Variants in ATXN3 observed in about 807,000 individuals in gnomAD.
The protein encoded by ATXN3 is ataxin 3, also known as ataxin-3.
Under a neutral mutation model 58.2 loss-of-function variants are expected in ATXN3, and 28 were observed. That is an observed-to-expected ratio of 0.48 (90% confidence interval 0.36 to 0.66). ATXN3 has a LOEUF of 0.66. Ranked by LOEUF, ATXN3 falls within the 30% of genes least tolerant of loss-of-function variation. The pLI is 0.00. For synonymous variants in ATXN3, 113 were observed against 138.5 expected, an observed-to-expected ratio of 0.82 and a Z score of 1.29; for missense variants, 321 against 422.1, an observed-to-expected ratio of 0.76 and a Z score of 2.10.
chr14:92,046,630 A>G (rs530716858), intron 2 of ATXN3, among the ~76,000 whole-genome samples: 34 of 152,076 alleles, frequency 2.2e-4, no homozygotes, highest in African/African-American at 8.2e-4. Flanking sequence ...AGGAATGGAA[A>G]GGGGAGTGGG....
In ATXN3 at chr14:92,070,764, TTG is replaced by T; in HGVS notation, c.991+169_991+170del. The T allele has an allele frequency of 1.8e-5, 24 of 1,347,280 alleles. 4 individuals carry two copies. The highest frequency in any genetic ancestry group is 1.1e-4 in the East Asian group (4 of 37,072). 83.5% of individuals were successfully genotyped at this position (1,347,280 alleles called of 1,614,324 possible). On this transcript the variant is annotated intron_variant, in intron 10 of 10. Transcript: ENST00000644486. ...TCTAGCTTTTTTTTTTTTTTTTCTT[TTG>T]GTAACTGCTCCTTAATCCAGGGAAA...
In ATXN3 at chr14:92,090,199, C is replaced by G. The variant is rs2063478218; in HGVS notation, c.388-1382G>C. Among the ~76,000 whole-genome samples, 4 of 152,136 alleles carry G rather than the reference C, an allele frequency of 2.6e-5. No homozygotes were observed. The South Asian group carries it at 8.3e-4, about 32-fold the overall frequency. On this transcript the variant is annotated intron_variant, in intron 5 of 10. Coordinates refer to ENST00000644486, the MANE Select transcript of ATXN3 (RefSeq NM_004993.6). Reference sequence around the variant, plus strand: ...CTCACTGCAGCCTCGAACACCTGGGCTTAAGTGATTCTCTCGCTTCATCCT... The same window carrying G: ...CTCACTGCAGCCTCGAACACCTGGGGTTAAGTGATTCTCTCGCTTCATCCT...
rs949436905 is a variant in ATXN3 at position 92,060,473 on chromosome 14, G to A, written c.*3847C>T. On this transcript the variant is annotated 3_prime_UTR_variant, in exon 11 of 11. Transcript: ENST00000644486. ...GAGGTTTCACCATGTTGCCCAGACT[G>A]GTCTTGAACTCCTGGCCTGAAGTGA... 7.3e-5 allele frequency: 11 copies of A among 151,260 alleles called. No homozygotes were observed. Among genetic ancestry groups the A allele is most frequent in the African/African-American group, 2.7e-4 (11 of 41,226 alleles). The allele number at this position is 151,260 out of a possible 1,614,324, so 9.4% of individuals were successfully genotyped here.
rs74071849 is a variant in ATXN3 at position 92,071,111 on chromosome 14, C to A, written c.873-58G>T. ...AACAAAACTTAAAAGAATAAATACA[C>A]CATGAGAAAAACTATTCATAAGGAA... On this transcript the variant is annotated intron_variant, in intron 9 of 10. Coordinates refer to ENST00000644486, the MANE Select transcript of ATXN3 (RefSeq NM_004993.6). 1.2e-3 allele frequency: 1,794 copies of A among 1,528,530 alleles called. 23 individuals are homozygous for A. The African/African-American group carries it at 0.022, about 19-fold the overall frequency. The allele number at this position is 1,528,530 out of a possible 1,614,324, so 94.7% of individuals were successfully genotyped here. A position where few individuals can be genotyped will look rare whatever the true frequency, so the allele number is the denominator to read the frequency against.
At chr14:92,103,585 G>A (rs1193630521) in intron 1 of ATXN3, among the ~76,000 whole-genome samples, 1 of 151,930 alleles carries the variant, frequency 6.6e-6, no homozygotes, top group East Asian at 1.9e-4. Flanking sequence ...GTGCTAACAC[G>A]CCCAGCTAAT....
Position 92,076,168 on chromosome 14 carries a change from G to A in ATXN3, c.872+4797C>T, listed in dbSNP as rs570739350. ...GTTACTACTATAAAAAGTTCAGGCC[G>A]AGTGCAGTGGCTCATGCCTGTAATC... On this transcript the variant is annotated intron_variant, in intron 9 of 10. Coordinates refer to ENST00000644486, the MANE Select transcript of ATXN3 (RefSeq NM_004993.6). Among the ~76,000 whole-genome samples, 7 of 152,110 alleles carry A rather than the reference G, an allele frequency of 4.6e-5. No individual in the cohort carries two copies. The South Asian group carries it at 1.0e-3, about 23-fold the overall frequency.
chr14:92,096,758 T>C lies in ATXN3; in HGVS notation c.105A>G (p.Ser35=). The change falls in exon 2 of 11, where the codon TCA becomes TCG. Residue 35 remains serine, a synonymous_variant. Transcript: ENST00000644486. ...GEYFSPVELS[S]IAHQLDEEER... is the part of the protein sequence containing the mutation. ...CCTCCTCATCCAGCTGATGTGCAAT[T>C]GAGGATAATTCCACAGGGCTAAAAT... The C allele has an allele frequency of 6.2e-7, 1 of 1,613,990 alleles. No homozygotes were observed. Among genetic ancestry groups the C allele is most frequent in the Non-Finnish European group, 8.5e-7 (1 of 1,179,836 alleles).
chr14:92,087,281 T>C (rs1197301956), intron 6 of ATXN3, among the ~76,000 whole-genome samples: 4 of 152,184 alleles, frequency 2.6e-5, no homozygotes, highest in African/African-American at 7.2e-5. Context: ...TTTGTGATTA[T>C]AATAAATTTA....
At chr14:92,096,888 G>A (rs916394106) in intron 1 of ATXN3, 50 bp from the exon 2 acceptor site, 2 of 1,457,610 alleles carry the variant, frequency 1.4e-6, no homozygotes, top group Non-Finnish European at 9.6e-7. Context: ...AAACAGAATT[G>A]TATAGTATCT....
In ATXN3 at chr14:92,072,752, G is replaced by GT. The variant is rs201062643; in HGVS notation, c.873-1700dup. Among the ~76,000 whole-genome samples, 639 of 124,838 alleles carry GT rather than the reference G, an allele frequency of 5.1e-3. 21 individuals carry two copies. The East Asian group carries it at 0.11, about 21-fold the overall frequency. 81.9% of individuals were successfully genotyped at this position (124,838 alleles called of 152,430 possible). The stretch of plus-strand genomic sequence containing the variant: ...CTCGGTCTTTTGGCTAAGATCAAGT[G>GT]TTTAAAAAAAAAAGGTATATAAGAA... On this transcript the variant is annotated intron_variant, in intron 9 of 10. Transcript: ENST00000644486.
At chr14:92,094,225 C>T (rs1408343181) in intron 3 of ATXN3, among the ~76,000 whole-genome samples, 1 of 152,098 alleles carries the variant, frequency 6.6e-6, no homozygotes, top group African/African-American at 2.4e-5. Context: ...CAGGCATGAG[C>T]CACCACGCCC....
chr14:92,078,693 T>C (rs80168292), intron 9 of ATXN3, among the ~76,000 whole-genome samples: 20,616 of 152,128 alleles, frequency 0.14, 1,603 homozygotes, highest in African/African-American at 0.22. Context: ...AACTAGATAA[T>C]TGATGATATA....
At chr14:92,099,900 C>T (rs74679283) in intron 1 of ATXN3, among the ~76,000 whole-genome samples, 1 of 61,016 alleles carries the variant, frequency 1.6e-5, no homozygotes, top group African/African-American at 6.5e-5. Flanking sequence ...GAAAGAAAGA[C>T]AGAAAGAAAG....
At chr14:92,096,860 A>C in intron 1 of ATXN3, 22 bp from the exon 2 acceptor site, 1 of 1,607,586 alleles carries the variant, frequency 6.2e-7, no homozygotes, top group South Asian at 1.1e-5. Flanking sequence ...AAAAGAAAAA[A>C]TTAAAATGTG....
At position 92,048,486 on chromosome 14, in the gene ATXN3, G is replaced by A. The variant is rs546553675; in HGVS notation, n.185-499C>T. Among the ~76,000 whole-genome samples the A allele has an allele frequency of 3.5e-4, 54 of 152,334 alleles. 1 individual carries two copies. Among genetic ancestry groups the A allele is most frequent in the South Asian group, 2.9e-3 (14 of 4,832 alleles). On this transcript the variant is annotated intron_variant and non_coding_transcript_variant, in intron 1 of 2. Transcript: ENST00000564606. ...GGCCTTCTGGCCATTCTGGGTCTAG[G>A]GCGGTAAAGTGTCCAAGGGTTGTTG...
intron 6 of ATXN3, among the ~76,000 whole-genome samples, chr14:92,084,302 C>A (rs567411741): frequency 6.6e-6 from 1 of 152,328 alleles, no homozygotes; most frequent in African/African-American, 2.4e-5. Flanking sequence ...ATGGCTAAAA[C>A]TAATCATCTG....
At chr14:92,090,034 C>A (rs1180916348) in intron 5 of ATXN3, among the ~76,000 whole-genome samples, 1 of 138,118 alleles carries the variant, frequency 7.2e-6, no homozygotes, top group African/African-American at 2.8e-5. Context: ...GAATTTGAGA[C>A]CAGCCTGGGC....
chr14:92,082,214 AAG>A, intron 8 of ATXN3, 84 bp downstream of exon 8: 1 of 1,433,982 alleles, frequency 7.0e-7, no homozygotes, highest in Non-Finnish European at 9.4e-7. Flanking sequence ...AAACACCTCT[AAG>A]AGTACATTAA....
intron 6 of ATXN3, among the ~76,000 whole-genome samples, chr14:92,087,802 G>A (rs1260212908): frequency 2.0e-5 from 3 of 152,324 alleles, no homozygotes; most frequent in Admixed American, 6.5e-5. Flanking sequence ...ATAGGAGGTG[G>A]TAGTTAAAGA....
Sources: allele counts gnomAD v4.1 joint callset (sites outside exome capture counted in the v4.1 genomes callset), GRCh38; gene constraint gnomAD v4.1.1; transcripts MANE v1.5; gene names NCBI Gene and HGNC (gene_info 2026-07-23, HGNC 2026-07-21).